The following PDE11A variants were observed in gnomAD, a reference collection of about 807,000 sequenced individuals.
The protein encoded by PDE11A is dual 3',5'-cyclic-AMP and -GMP phosphodiesterase 11A.
PDE11A carries 100 observed loss-of-function variants against 100.5 expected under a neutral mutation model. The observed-to-expected ratio is 1.00, with a 90% CI of 0.85 to 1.18. PDE11A has a LOEUF of 1.18. Among genes scored for constraint, PDE11A ranks in the 50% most tolerant of loss-of-function variants. The pLI, the probability that PDE11A is intolerant of heterozygous loss-of-function variation, is 0.00. For synonymous variants in PDE11A, 381 were observed against 420.8 expected (o/e 0.91, Z 1.16); for missense variants, 1,141 against 1,152.6 (o/e 0.99, Z 0.15).
chr2:178,057,221 G>A lies in PDE11A; in HGVS notation c.912+14305C>T, dbSNP rs555233746. 2.6e-5 allele frequency among the ~76,000 whole-genome samples: 4 copies of A among 152,284 alleles called. 1 individual carries two copies. The South Asian group carries it at 8.3e-4, about 32-fold the overall frequency. On this transcript the variant is annotated intron_variant, in intron 1 of 19. Transcript: ENST00000286063. ...CACAGATGACTTTAGAAGAATTGCG[G>A]GGGTTAAGTAGTTTCTAGGGTAATG...
At chr2:177,850,624 A>G (rs910466516) in intron 5 of PDE11A, among the ~76,000 whole-genome samples, 5 of 151,808 alleles carry the variant, frequency 3.3e-5, no homozygotes, top group Non-Finnish European at 5.9e-5. Context: ...GAAAATTTTT[A>G]CAATCTACTC....
intron 10 of PDE11A, among the ~76,000 whole-genome samples, chr2:177,764,298 G>A (rs1270517502): frequency 6.6e-6 from 1 of 152,088 alleles, no homozygotes; most frequent in South Asian, 2.1e-4. Flanking sequence ...ACCCCAACCT[G>A]AGTTACTGGT....
At chr2:177,849,529 T>C (rs2083660448) in intron 5 of PDE11A, among the ~76,000 whole-genome samples, 1 of 152,172 alleles carries the variant, frequency 6.6e-6, no homozygotes, top group South Asian at 2.1e-4. Flanking sequence ...ACAAGCATTC[T>C]TATACACCAA....
At chr2:177,898,322 A>G (rs898341287) in intron 3 of PDE11A, 124 bp from the exon 4 acceptor site, 2 of 683,664 alleles carry the variant, frequency 2.9e-6, no homozygotes, top group Non-Finnish European at 5.0e-6. Context: ...CTAATTTTAA[A>G]AAATTTTATG....
intron 2 of PDE11A, among the ~76,000 whole-genome samples, chr2:177,934,539 A>T (rs2085249062): frequency 6.6e-6 from 1 of 152,252 alleles, no homozygotes; most frequent in South Asian, 2.1e-4. Context: ...TGCTGGTGGG[A>T]ATGTAAATTA....
At chr2:178,103,999 A>G (rs1175398603) in intron 2 of PDE11A, among the ~76,000 whole-genome samples, 2 of 152,190 alleles carry the variant, frequency 1.3e-5, no homozygotes, top group South Asian at 2.1e-4. Flanking sequence ...TACTGCCATT[A>G]TACCACTAAA....
At chr2:177,635,856 T>C (rs192129379) in intron 19 of PDE11A, among the ~76,000 whole-genome samples, 1 of 151,868 alleles carries the variant, frequency 6.6e-6, no homozygotes, top group East Asian at 1.9e-4. Flanking sequence ...CAAAATTAGA[T>C]TTCCTCATTT....
At chr2:177,645,843 A>C (rs1485596917) in intron 19 of PDE11A, among the ~76,000 whole-genome samples, 1 of 152,234 alleles carries the variant, frequency 6.6e-6, no homozygotes, top group Non-Finnish European at 1.5e-5. Flanking sequence ...AGCTAATTAT[A>C]CTATTAGTAA....
chr2:177,867,487 T>C (rs1285277094), intron 5 of PDE11A, among the ~76,000 whole-genome samples: 1 of 152,094 alleles, frequency 6.6e-6, no homozygotes, highest in Admixed American at 6.5e-5. Flanking sequence ...TCCAGCACTT[T>C]GGGAGGCCAA....
At chr2:177,633,900 A>T (rs973850327) in intron 19 of PDE11A, among the ~76,000 whole-genome samples, 1 of 151,978 alleles carries the variant, frequency 6.6e-6, no homozygotes, top group Non-Finnish European at 1.5e-5. Context: ...ATAAATTAGA[A>T]TTTTTTTCTG....
chr2:177,959,387 T>A (rs1349653713), intron 2 of PDE11A, among the ~76,000 whole-genome samples: 1 of 152,168 alleles, frequency 6.6e-6, no homozygotes, highest in Non-Finnish European at 1.5e-5. Context: ...AAAAGTGCCA[T>A]GATCTGATTT....
At chr2:178,068,808 C>A (rs10198111) in intron 1 of PDE11A, among the ~76,000 whole-genome samples, 16 of 151,818 alleles carry the variant, frequency 1.1e-4, no homozygotes, top group Admixed American at 1.0e-3. Context: ...CTACAACAAC[C>A]CTATAAAAAG....
At chr2:177,640,816 A>T (rs1574088867) in intron 19 of PDE11A, among the ~76,000 whole-genome samples, 1 of 151,968 alleles carries the variant, frequency 6.6e-6, no homozygotes. Context: ...TCTTACGTTT[A>T]CTCTGTCAGG....
At chr2:178,063,102 G>A (rs1224325685) in intron 1 of PDE11A, among the ~76,000 whole-genome samples, 2 of 152,136 alleles carry the variant, frequency 1.3e-5, no homozygotes, top group Admixed American at 6.5e-5. Context: ...ATTTCATATG[G>A]GGATTTATTT....
chr2:177,776,258 T>C (rs566311995), intron 9 of PDE11A, among the ~76,000 whole-genome samples: 313 of 152,322 alleles, frequency 2.1e-3, no homozygotes, highest in Non-Finnish European at 3.8e-3. Context: ...GTCATATGCA[T>C]ACTTAAAATT....
chr2:177,631,528 T>TGG (rs1268473146), intron 19 of PDE11A, among the ~76,000 whole-genome samples: 1 of 21,756 alleles, frequency 4.6e-5, no homozygotes. Context: ...TATATATATA[T>TGG]ATATATATAT....
intron 2 of PDE11A, among the ~76,000 whole-genome samples, chr2:178,102,302 T>G (rs1187839128): frequency 6.6e-6 from 1 of 152,070 alleles, no homozygotes; most frequent in Non-Finnish European, 1.5e-5. Flanking sequence ...GATTTTTGTA[T>G]TTTTAGTAGA....
chr2:177,861,746 G>T (rs1295331204), intron 5 of PDE11A, among the ~76,000 whole-genome samples: 2 of 151,916 alleles, frequency 1.3e-5, no homozygotes, highest in African/African-American at 2.4e-5. Context: ...GAGTAGAGTT[G>T]AGAGTCTCAT....
At chr2:177,668,020 C>T (rs1009323576) in intron 18 of PDE11A, among the ~76,000 whole-genome samples, 2 of 152,194 alleles carry the variant, frequency 1.3e-5, no homozygotes, top group African/African-American at 4.8e-5. Flanking sequence ...GAGGGCTAAC[C>T]CTGCCACATC....
Sources: allele counts gnomAD v4.1 joint callset (sites outside exome capture counted in the v4.1 genomes callset), GRCh38; gene constraint gnomAD v4.1.1; transcripts MANE v1.5; gene names NCBI Gene and HGNC (gene_info 2026-07-23, HGNC 2026-07-21).